NEO1: variants seen among roughly 807,000 people sequenced by gnomAD.
The protein encoded by NEO1 is neogenin 1.
Under a neutral mutation model 159.7 loss-of-function variants are expected in NEO1, and 63 were observed. The observed-to-expected ratio is 0.39, with a 90% CI of 0.32 to 0.49. NEO1 has a LOEUF of 0.49. Ranked by LOEUF, NEO1 falls within the 20% of genes least tolerant of loss-of-function variation. The pLI is 0.85. For missense variants in NEO1, 1,615 were observed against 1,831.0 expected, an observed-to-expected ratio of 0.88 and a Z score of 2.15; for synonymous variants, 633 against 662.0, an observed-to-expected ratio of 0.96 and a Z score of 0.67.
In NEO1 at chr15:73,122,091, A is replaced by G. The variant is rs1567241708; in HGVS notation, c.449-434A>G. ...TATATATATATATATATATATATAT[A>G]TATACACATTATATATATTATATAT... On this transcript the variant is annotated intron_variant, in intron 2 of 28. Transcript: ENST00000261908. Among the ~76,000 whole-genome samples, 10 of 105,498 alleles carry G rather than the reference A, an allele frequency of 9.5e-5. 1 individual carries two copies. The highest frequency in any genetic ancestry group is 3.5e-4 in the African/African-American group (10 of 28,440). The allele number at this position is 105,498 out of a possible 152,430, so 69.2% of individuals were successfully genotyped here. A position where few individuals can be genotyped will look rare whatever the true frequency, so the allele number is the denominator to read the frequency against.
intron 27 of NEO1, among the ~76,000 whole-genome samples, chr15:73,300,197 A>C (rs775998581): frequency 2.6e-5 from 4 of 152,246 alleles, no homozygotes; most frequent in Non-Finnish European, 5.9e-5. Context: ...GTAAGTATTA[A>C]GTTCTCAAGA....
At chr15:73,301,697 T>G in intron 28 of NEO1, 2 of 521,892 alleles carry the variant, frequency 3.8e-6, no homozygotes, top group Non-Finnish European at 3.4e-6. Flanking sequence ...AGACAGAATC[T>G]TGCTCTGTCT....
intron 26 of NEO1, among the ~76,000 whole-genome samples, chr15:73,297,195 G>A (rs1484113990): frequency 1.3e-5 from 2 of 152,196 alleles, no homozygotes; most frequent in African/African-American, 4.8e-5. Flanking sequence ...GGTAGTCTGG[G>A]TGTGGAAAGG....
At chr15:73,218,177 A>G (rs1400935291) in intron 7 of NEO1, among the ~76,000 whole-genome samples, 1 of 152,102 alleles carries the variant, frequency 6.6e-6, no homozygotes, top group African/African-American at 2.4e-5. Flanking sequence ...GCATCTGTTG[A>G]GGTAATCATG....
chr15:73,266,304 C>A lies in NEO1; in HGVS notation c.2399-12C>A. ...GTGAGCATTTTTTTAATGTGTGTTT[C>A]TTTTTTTTCAGATCCCAGCTCTCAC... On this transcript the variant is annotated splice_polypyrimidine_tract_variant and intron_variant, in intron 15 of 28. Coordinates refer to ENST00000261908, the MANE Select transcript of NEO1 (RefSeq NM_002499.4). 2 of 1,590,556 alleles carry A rather than the reference C, an allele frequency of 1.3e-6. No homozygotes were observed. The highest frequency in any genetic ancestry group is 1.8e-5 in the Admixed American group (1 of 56,988).
rs530770234 is a variant in NEO1 at position 73,134,789 on chromosome 15, A to G, written c.879-1102A>G. ...TTTGGGAGGCCGGGGCGGGTGGATC[A>G]CCTGGGGTCAGGAGTTTGAGGCCAG... On this transcript the variant is annotated intron_variant, in intron 4 of 28. Coordinates refer to ENST00000261908, the MANE Select transcript of NEO1 (RefSeq NM_002499.4). Among the ~76,000 whole-genome samples, 29 of 152,218 alleles carry G rather than the reference A, an allele frequency of 1.9e-4. 1 individual carries two copies. The South Asian group carries it at 6.0e-3, about 32-fold the overall frequency.
chr15:73,078,732 C>T (rs1287586057), intron 1 of NEO1, among the ~76,000 whole-genome samples: 3 of 152,208 alleles, frequency 2.0e-5, no homozygotes, highest in African/African-American at 2.4e-5. Context: ...TTCATGCCTC[C>T]TCTAGAAACA....
At chr15:73,055,748 C>T (rs932577726) in intron 1 of NEO1, among the ~76,000 whole-genome samples, 1 of 152,148 alleles carries the variant, frequency 6.6e-6, no homozygotes, top group African/African-American at 2.4e-5. Flanking sequence ...TTCCTGGCCC[C>T]TGTGTCTCAT....
chr15:73,182,149 C>T (rs887120105), intron 7 of NEO1, among the ~76,000 whole-genome samples: 2 of 152,096 alleles, frequency 1.3e-5, no homozygotes, highest in East Asian at 3.9e-4. Flanking sequence ...GACTCATTCA[C>T]TATCACGAGA....
chr15:73,066,896 TTTTC>T (rs1272452972), intron 1 of NEO1, among the ~76,000 whole-genome samples: 1 of 152,228 alleles, frequency 6.6e-6, no homozygotes, highest in Non-Finnish European at 1.5e-5. Context: ...TCCCTTTGGC[TTTTC>T]TTTCTTTTTG....
At chr15:73,220,702 C>G (rs925887926) in intron 7 of NEO1, among the ~76,000 whole-genome samples, 1 of 152,234 alleles carries the variant, frequency 6.6e-6, no homozygotes, top group African/African-American at 2.4e-5. Context: ...GATACCCTTT[C>G]TTCCAGTTGA....
intron 15 of NEO1, among the ~76,000 whole-genome samples, chr15:73,261,000 A>G (rs1008129115): frequency 1.3e-5 from 2 of 152,138 alleles, no homozygotes; most frequent in Admixed American, 6.5e-5. Flanking sequence ...TTCTAATTCC[A>G]TATTTCCTCT....
intron 7 of NEO1, among the ~76,000 whole-genome samples, chr15:73,212,310 A>C (rs181226797): frequency 2.5e-3 from 383 of 152,290 alleles, no homozygotes; most frequent in African/African-American, 8.6e-3. Flanking sequence ...CCTGAAGGTC[A>C]GTTGGCTTGA....
chr15:73,222,167 C>G (rs1385348102), intron 7 of NEO1: 1 of 126,604 alleles, frequency 7.9e-6, no homozygotes, highest in African/African-American at 2.9e-5. Context: ...TGCAGTGGCG[C>G]AATCTTGGCT....
intron 23 of NEO1, among the ~76,000 whole-genome samples, chr15:73,285,628 A>T (rs571303989): frequency 6.6e-6 from 1 of 152,206 alleles, no homozygotes; most frequent in African/African-American, 2.4e-5. Context: ...GTAATACCTG[A>T]GGTTCATTTA....
chr15:73,236,458 G>A lies in NEO1; in HGVS notation c.1403G>A (p.Gly468Glu). The change falls in exon 8 of 29, where the codon GGA becomes GAA. Residue 468 changes from glycine to glutamate, a missense_variant. Around this residue, in one of 3 missense-constraint regions of NEO1, gnomAD observed 1,018 missense variants for 1,115.4 expected, o/e 0.91. Transcript: ENST00000261908. ...TWRTPASDPH[G>E]DNLTYSVFYT... Reference sequence around the variant, plus strand: ...CGGACACCTGCATCAGATCCTCACGGAGACAACCTTACCTACTCTGTGTTC... The same window carrying A: ...CGGACACCTGCATCAGATCCTCACGAAGACAACCTTACCTACTCTGTGTTC... 1 of 1,614,066 alleles carries A rather than the reference G, an allele frequency of 6.2e-7. No homozygotes were observed. The highest frequency in any genetic ancestry group is 8.5e-7 in the Non-Finnish European group (1 of 1,180,000).
At chr15:73,256,596 G>A (rs1227652128) in intron 13 of NEO1, among the ~76,000 whole-genome samples, 1 of 152,184 alleles carries the variant, frequency 6.6e-6, no homozygotes, top group African/African-American at 2.4e-5. Context: ...TAATCAGCAA[G>A]CTTCTCACTC....
At position 73,052,706 on chromosome 15, in the gene NEO1, C is replaced by A; in HGVS notation, c.31C>A (p.Leu11Ile). 2 of 1,362,688 alleles carry A rather than the reference C, an allele frequency of 1.5e-6. No homozygotes were observed. The highest frequency in any genetic ancestry group is 1.9e-6 in the Non-Finnish European group (2 of 1,050,558). The allele number at this position is 1,362,688 out of a possible 1,614,324, so 84.4% of individuals were successfully genotyped here. A position where few individuals can be genotyped will look rare whatever the true frequency, so the allele number is the denominator to read the frequency against. ...GGCGGAGCGGGGAGCCCGGCGACTC[C>A]TCAGCACCCCCTCCTTCTGGCTCTA... MAAERGARRLLSTPSFWLYCL... is the reference protein window; with the variant it reads MAAERGARRLISTPSFWLYCL... Residue 11 changes from leucine to isoleucine, a missense_variant, in exon 1 of 29, where the codon CTC becomes ATC. By Grantham distance (5) the Leu-to-Ile change is conservative. Coordinates refer to ENST00000261908, the MANE Select transcript of NEO1 (RefSeq NM_002499.4).
At position 73,126,462 on chromosome 15, in the gene NEO1, C is replaced by T. The variant is rs1345401455; in HGVS notation, c.770C>T (p.Pro257Leu). Residue 257 changes from proline (P) to leucine (L), a missense_variant, in exon 4 of 29, where the codon CCC becomes CTC. Physicochemically the swap from Pro to Leu is moderately conservative, Grantham distance 98. Transcript: ENST00000261908. ...SDLVFLKQPSPLVRVIGQDVV... is the reference protein window; with the variant it reads ...SDLVFLKQPSLLVRVIGQDVV... ...TTGGTATTTTTGAAACAGCCTTCTC[C>T]CTTAGTCAGAGTCATTGGTCAGGAT... The T allele has an allele frequency of 4.3e-6, 7 of 1,612,980 alleles. No homozygotes were observed. The highest frequency in any genetic ancestry group is 5.9e-6 in the Non-Finnish European group (7 of 1,179,620).
Sources: gnomAD v4.1 joint callset for allele counts (sites outside exome capture counted in the v4.1 genomes callset) on GRCh38, gnomAD v4.1.1 for gene constraint, gnomAD v4.1.1 regional missense constraint, MANE v1.5 for transcripts, NCBI Gene and HGNC (gene_info 2026-07-23, HGNC 2026-07-21) for gene names.